The following CSGALNACT1 variants were observed in gnomAD, a reference collection of about 807,000 sequenced individuals.
CSGALNACT1 encodes chondroitin sulfate N-acetylgalactosaminyltransferase 1, also known as beta4GalNAcT-1.
CSGALNACT1 carries 52 observed loss-of-function variants against 51.0 expected under a neutral mutation model. The ratio of observed to expected loss-of-function variants is 1.02; its 90% CI spans 0.82 to 1.29. The LOEUF (loss-of-function observed/expected upper bound fraction) is 1.29. Ranked by LOEUF, CSGALNACT1 falls within the 50% of genes most tolerant of loss-of-function variation. CSGALNACT1 has a pLI of 0.00. For missense variants in CSGALNACT1, 935 were observed against 679.2 expected (o/e 1.38, Z -4.19); for synonymous variants, 341 against 254.4 (o/e 1.34, Z -3.24).
chr8:19,586,084 T>C (rs1481134811), intron 3 of CSGALNACT1, among the ~76,000 whole-genome samples: 1 of 152,068 alleles, frequency 6.6e-6, no homozygotes, highest in Non-Finnish European at 1.5e-5. Flanking sequence ...AAAATGGGGC[T>C]GGGTGTGGTG....
At chr8:19,660,062 G>T (rs535237082) in intron 1 of CSGALNACT1, among the ~76,000 whole-genome samples, 1 of 152,350 alleles carries the variant, frequency 6.6e-6, no homozygotes, top group South Asian at 2.1e-4. Flanking sequence ...GCACGGGGAA[G>T]TTAAGTCAAC....
At chr8:19,739,300 T>C (rs140950660) in intron 1 of CSGALNACT1, among the ~76,000 whole-genome samples, 34 of 152,128 alleles carry the variant, frequency 2.2e-4, no homozygotes, top group Non-Finnish European at 4.7e-4. Context: ...ACATTGACTC[T>C]AAAGAAGATC....
chr8:19,586,896 C>T (rs1429412946), intron 3 of CSGALNACT1, among the ~76,000 whole-genome samples: 12 of 152,190 alleles, frequency 7.9e-5, no homozygotes, highest in South Asian at 2.1e-4. Context: ...TTTTCCCAAA[C>T]TTATTTGATC....
intron 8 of CSGALNACT1, 25 bp from the exon 8 acceptor site, chr8:19,408,719 A>G: frequency 6.2e-7 from 1 of 1,609,840 alleles, no homozygotes; most frequent in Non-Finnish European, 8.5e-7. Flanking sequence ...CTGTCATTTG[A>G]GGGGAAAGTT....
At chr8:19,590,008 C>T (rs1180032270) in intron 3 of CSGALNACT1, among the ~76,000 whole-genome samples, 1 of 152,158 alleles carries the variant, frequency 6.6e-6, no homozygotes, top group Non-Finnish European at 1.5e-5. Context: ...TAAAATCAGA[C>T]CTCTCTAGGT....
At chr8:19,476,392 C>G (rs1220174591) in intron 4 of CSGALNACT1, among the ~76,000 whole-genome samples, 2 of 152,146 alleles carry the variant, frequency 1.3e-5, no homozygotes, top group Non-Finnish European at 2.9e-5. Context: ...AGGTGCCCAC[C>G]ACCACGCCTG....
intron 4 of CSGALNACT1, among the ~76,000 whole-genome samples, chr8:19,488,035 A>T (rs575637138): frequency 6.6e-6 from 1 of 152,160 alleles, no homozygotes; most frequent in South Asian, 2.1e-4. Flanking sequence ...GGTTTGCAAT[A>T]TGACTGCTGA....
intron 1 of CSGALNACT1, among the ~76,000 whole-genome samples, chr8:19,749,659 C>T (rs774870274): frequency 6.6e-6 from 1 of 152,164 alleles, no homozygotes; most frequent in Non-Finnish European, 1.5e-5. Context: ...GAACTGCAAG[C>T]AGGGCCCTAT....
chr8:19,629,542 G>A (rs1180208714), intron 1 of CSGALNACT1, among the ~76,000 whole-genome samples: 1 of 152,220 alleles, frequency 6.6e-6, no homozygotes, highest in Non-Finnish European at 1.5e-5. Context: ...GCAAACCGAG[G>A]CATATCTGCC....
intron 4 of CSGALNACT1, among the ~76,000 whole-genome samples, chr8:19,479,747 G>A (rs919496119): frequency 6.9e-5 from 10 of 145,800 alleles, no homozygotes; most frequent in Non-Finnish European, 1.3e-4. Context: ...AGGAAAAGCC[G>A]TATTTCTTGA....
chr8:19,664,927 G>A (rs1180850089), intron 1 of CSGALNACT1, among the ~76,000 whole-genome samples: 1 of 152,154 alleles, frequency 6.6e-6, no homozygotes, highest in East Asian at 1.9e-4. Context: ...TACGTAATGG[G>A]TACAATGTAT....
At chr8:19,588,132 T>A (rs760872212) in intron 3 of CSGALNACT1, 11 of 151,622 alleles carry the variant, frequency 7.3e-5, no homozygotes, top group Non-Finnish European at 1.2e-4. Context: ...GGGAGGTAGG[T>A]TTCAGTAAGC....
At chr8:19,510,189 A>G (rs935144476) in intron 3 of CSGALNACT1, among the ~76,000 whole-genome samples, 20 of 152,168 alleles carry the variant, frequency 1.3e-4, no homozygotes, top group African/African-American at 4.8e-4. Context: ...ACTGTGATGC[A>G]TCACATCTGA....
At chr8:19,605,789 T>A (rs971045916), upstream of CSGALNACT1, among the ~76,000 whole-genome samples, 3 of 152,190 alleles carry the variant, frequency 2.0e-5, no homozygotes, top group African/African-American at 7.2e-5. Flanking sequence ...CCTCTATAAA[T>A]AAACCTGCTT....
chr8:19,626,184 T>C (rs547950177), intron 1 of CSGALNACT1, among the ~76,000 whole-genome samples: 2 of 152,332 alleles, frequency 1.3e-5, no homozygotes, highest in Admixed American at 6.5e-5. Context: ...TGTGTAACTA[T>C]AGTAATCAAC....
exon 1 of CSGALNACT1, chr8:19,682,492 G>C (rs2060692690): frequency 2.8e-6 from 1 of 357,726 alleles, no homozygotes; most frequent in African/African-American, 2.1e-5. Flanking sequence ...AGATCAAAAA[G>C]ATGACACCTG....
intron 1 of CSGALNACT1, among the ~76,000 whole-genome samples, chr8:19,658,162 G>C (rs2058454876): frequency 6.6e-6 from 1 of 151,360 alleles, no homozygotes. Context: ...GCTAGATGAG[G>C]TCATGAGGGT....
At chr8:19,409,622 T>A (rs1485489299) in intron 8 of CSGALNACT1, among the ~76,000 whole-genome samples, 1 of 152,154 alleles carries the variant, frequency 6.6e-6, no homozygotes, top group Non-Finnish European at 1.5e-5. Flanking sequence ...ATTCTTGCAG[T>A]TAACATAGGT....
chr8:19,542,307 C>T (rs996732575), intron 3 of CSGALNACT1, among the ~76,000 whole-genome samples: 3 of 151,850 alleles, frequency 2.0e-5, no homozygotes, highest in African/African-American at 7.3e-5. Context: ...ATAAAGAAAA[C>T]ACTGTCCGTC....
Sources: allele counts gnomAD v4.1 joint callset (sites outside exome capture counted in the v4.1 genomes callset), GRCh38; gene constraint gnomAD v4.1.1; transcripts MANE v1.5; gene names NCBI Gene and HGNC (gene_info 2026-07-23, HGNC 2026-07-21).